Variants in PALLD observed in about 807,000 individuals in gnomAD.
PALLD encodes the protein palladin.
A neutral mutation model predicts 123.5 loss-of-function variants in PALLD; 61 were observed. That is an observed-to-expected ratio of 0.49 (90% CI 0.40 to 0.61). The LOEUF (loss-of-function observed/expected upper bound fraction) is 0.61. Among genes scored for constraint, PALLD ranks in the 20% least tolerant of loss-of-function variants. The pLI is 0.00. For missense variants in PALLD, 1,273 were observed against 1,377.0 expected, an observed-to-expected ratio of 0.92 and a Z score of 1.20; for synonymous variants, 465 against 496.4, an observed-to-expected ratio of 0.94 and a Z score of 0.84.
At chr4:168,747,286 C>T (rs912677754) in intron 10 of PALLD, among the ~76,000 whole-genome samples, 4 of 152,206 alleles carry the variant, frequency 2.6e-5, no homozygotes, top group South Asian at 2.1e-4. Context: ...TAGGACATTA[C>T]GCTGAGGCTG....
At chr4:168,668,109 C>G (rs1413255953) in intron 2 of PALLD, 81 bp from the exon 3 acceptor site, 9 of 1,083,396 alleles carry the variant, frequency 8.3e-6, no homozygotes, top group South Asian at 6.3e-5. Flanking sequence ...TAGCAACCAG[C>G]CTTCACTTCT....
At position 168,534,579 on chromosome 4, in the gene PALLD, A is replaced by T. The variant is rs541264890; in HGVS notation, c.908+22167A>T. Among the ~76,000 whole-genome samples the T allele has an allele frequency of 7.6e-4, 115 of 152,220 alleles. 1 individual carries two copies. Among genetic ancestry groups the T allele is most frequent in the Non-Finnish European group, 1.3e-3 (90 of 68,042 alleles). On this transcript the variant is annotated intron_variant, in intron 2 of 21. Coordinates refer to ENST00000505667, the MANE Select transcript of PALLD (RefSeq NM_001166108.2). Reference sequence around the variant, plus strand: ...AAAAGAACTATTCATTTCAAATGGTATAATAGGGGAAGTGGTTCCTTCATC... The same window carrying T: ...AAAAGAACTATTCATTTCAAATGGTTTAATAGGGGAAGTGGTTCCTTCATC...
intron 3 of PALLD, among the ~76,000 whole-genome samples, chr4:168,676,521 G>A (rs572383515): frequency 2.3e-3 from 342 of 148,404 alleles, no homozygotes; most frequent in Non-Finnish European, 3.7e-3. Context: ...TATATATTAT[G>A]TTTATTTTAT....
intron 10 of PALLD, among the ~76,000 whole-genome samples, chr4:168,755,223 A>G (rs1364609889): frequency 1.5e-5 from 2 of 135,774 alleles, no homozygotes; most frequent in Non-Finnish European, 3.1e-5. Context: ...AGAGAGCAAG[A>G]CTCCGTCTCA....
At chr4:168,650,257 C>G (rs1777904067) in intron 2 of PALLD, among the ~76,000 whole-genome samples, 1 of 152,170 alleles carries the variant, frequency 6.6e-6, no homozygotes, top group Admixed American at 6.5e-5. Flanking sequence ...GAATTTTCCA[C>G]AGTGAAAAGT....
chr4:168,773,759 G>C (rs1010611672), intron 10 of PALLD, among the ~76,000 whole-genome samples: 12 of 152,104 alleles, frequency 7.9e-5, no homozygotes, highest in Non-Finnish European at 1.5e-4. Flanking sequence ...AATGGCATCT[G>C]CTGAGCCCCA....
intron 2 of PALLD, among the ~76,000 whole-genome samples, chr4:168,540,567 TGA>T (rs377390702): frequency 9.8e-5 from 15 of 152,320 alleles, no homozygotes; most frequent in African/African-American, 3.6e-4. Flanking sequence ...TTATTTTAAA[TGA>T]GTTTCAGTTT....
chr4:168,689,726 A>G (rs1051095806), intron 6 of PALLD, among the ~76,000 whole-genome samples: 5 of 152,032 alleles, frequency 3.3e-5, no homozygotes. Context: ...GGAATTACAG[A>G]TGTGAGCCAC....
chr4:168,759,202 A>AAAAAAAATATATATAT (rs1554077926), intron 10 of PALLD, among the ~76,000 whole-genome samples: 1 of 22,304 alleles, frequency 4.5e-5, no homozygotes, highest in Non-Finnish European at 8.7e-5. Flanking sequence ...AAAAAAAAAA[A>AAAAAAAATATATATAT]ATATATATAT....
Position 168,844,238 on chromosome 4 carries a change from C to T in PALLD, c.1965-46684C>T, listed in dbSNP as rs143439607. 48 of 152,288 alleles carry T rather than the reference C, an allele frequency of 3.2e-4. No homozygotes were observed. Among genetic ancestry groups the T allele is most frequent in the Middle Eastern group, 3.4e-3 (1 of 294 alleles). 9.4% of individuals were successfully genotyped at this position (152,288 alleles called of 1,614,324 possible). ...GATTAAAAACCATGATTGAGTGTGC[C>T]TAGAAATAAAGACCACCCTTGACTG... On this transcript the variant is annotated intron_variant, in intron 10 of 21. Coordinates refer to ENST00000505667, the MANE Select transcript of PALLD (RefSeq NM_001166108.2). This position sits in a 1 kb window ranked among gnomAD's most constrained non-coding sequence, Gnocchi z 4.5.
chr4:168,613,972 T>C (rs1253376476), intron 2 of PALLD, among the ~76,000 whole-genome samples: 3 of 152,216 alleles, frequency 2.0e-5, no homozygotes, highest in Non-Finnish European at 4.4e-5. Context: ...GTTATTCTTC[T>C]GGTTTGTAGC....
chr4:168,668,761 A>G (rs993499590), intron 3 of PALLD, among the ~76,000 whole-genome samples: 1 of 152,220 alleles, frequency 6.6e-6, no homozygotes, highest in Non-Finnish European at 1.5e-5. Context: ...ATACTTTTTA[A>G]TGTTCTCATT....
intron 10 of PALLD, among the ~76,000 whole-genome samples, chr4:168,848,239 C>T (rs1747201335): frequency 6.7e-6 from 1 of 148,896 alleles, no homozygotes; most frequent in African/African-American, 2.5e-5. Flanking sequence ...TCTGCTTACT[C>T]AGCAGATGGG....
intron 2 of PALLD, among the ~76,000 whole-genome samples, chr4:168,534,799 T>C (rs964053439): frequency 5.3e-5 from 8 of 152,232 alleles, no homozygotes; most frequent in Non-Finnish European, 1.0e-4. Context: ...GAATCCTCTA[T>C]AGCTACTAGA....
chr4:168,688,208 C>T (rs1270195941), intron 6 of PALLD, among the ~76,000 whole-genome samples: 1 of 152,214 alleles, frequency 6.6e-6, no homozygotes, highest in Non-Finnish European at 1.5e-5. Flanking sequence ...AGCACCTTCA[C>T]TGGGCTTTCT....
intron 2 of PALLD, among the ~76,000 whole-genome samples, chr4:168,628,392 C>G (rs1336849912): frequency 6.6e-6 from 1 of 152,212 alleles, no homozygotes; most frequent in Non-Finnish European, 1.5e-5. Context: ...AATACTTACA[C>G]TGGTTTAGCG....
At chr4:168,732,865 C>T (rs1787316872) in intron 10 of PALLD, among the ~76,000 whole-genome samples, 1 of 152,154 alleles carries the variant, frequency 6.6e-6, no homozygotes, top group South Asian at 2.1e-4. Context: ...AAAGTCTTAA[C>T]CAGAACATGA....
intron 2 of PALLD, among the ~76,000 whole-genome samples, chr4:168,657,201 G>A (rs1376411130): frequency 1.3e-5 from 2 of 152,214 alleles, no homozygotes; most frequent in East Asian, 3.8e-4. Context: ...AATGATGCCT[G>A]CCATATTTCT....
At chr4:168,909,080 G>A (rs1362771185) in intron 15 of PALLD, among the ~76,000 whole-genome samples, 4 of 152,300 alleles carry the variant, frequency 2.6e-5, no homozygotes, top group African/African-American at 7.2e-5. Flanking sequence ...GCAAAATAAT[G>A]AGTGACTGTG....
Sources: gnomAD v4.1 joint callset for allele counts (sites outside exome capture counted in the v4.1 genomes callset) on GRCh38, gnomAD v4.1.1 for gene constraint, Gnocchi (gnomAD v3.1) non-coding constraint, MANE v1.5 for transcripts, NCBI Gene and HGNC (gene_info 2026-07-23, HGNC 2026-07-21) for gene names.